STXBP5L: variants seen among roughly 807,000 people sequenced by gnomAD.
STXBP5L encodes the protein syntaxin-binding protein 5-like.
Under a neutral mutation model 144.5 loss-of-function variants are expected in STXBP5L, and 65 were observed. That is an observed-to-expected ratio of 0.45 (90% CI 0.37 to 0.55). The LOEUF is 0.55. STXBP5L is among the 20% of genes least tolerant of loss of function. STXBP5L has a pLI of 0.00. For missense variants in STXBP5L, 1,298 were observed against 1,405.5 expected (o/e 0.92, Z 1.22); for synonymous variants, 505 against 469.6 (o/e 1.08, Z -0.97).
intron 2 of STXBP5L, among the ~76,000 whole-genome samples, chr3:120,935,751 C>G (rs1710232294): frequency 6.6e-6 from 1 of 151,784 alleles, no homozygotes. Context: ...TACCCTAAGT[C>G]CTCAATAGAT....
intron 5 of STXBP5L, among the ~76,000 whole-genome samples, chr3:121,114,187 T>G (rs1422313766): frequency 6.6e-6 from 1 of 152,096 alleles, no homozygotes; most frequent in African/African-American, 2.4e-5. Flanking sequence ...ATATTTAATA[T>G]GTAGGAGTCA....
chr3:121,061,508 A>G (rs2041276255), intron 5 of STXBP5L, among the ~76,000 whole-genome samples: 2 of 152,122 alleles, frequency 1.3e-5, no homozygotes, highest in Admixed American at 6.6e-5. Flanking sequence ...GAGAGCTGAT[A>G]TCAAGTCCTG....
intron 20 of STXBP5L, among the ~76,000 whole-genome samples, chr3:121,336,055 A>G (rs942116529): frequency 3.3e-5 from 5 of 152,362 alleles, no homozygotes; most frequent in Admixed American, 1.3e-4. Flanking sequence ...TCTAAGAAGA[A>G]CTTAAGCAAA....
intron 5 of STXBP5L, among the ~76,000 whole-genome samples, chr3:121,104,018 G>A (rs1431871244): frequency 6.6e-6 from 1 of 152,180 alleles, no homozygotes; most frequent in African/African-American, 2.4e-5. Flanking sequence ...GAGTGTGTCA[G>A]ATGATATGTG....
chr3:121,265,405 A>G (rs182102933), intron 18 of STXBP5L, among the ~76,000 whole-genome samples: 27 of 152,308 alleles, frequency 1.8e-4, no homozygotes, highest in Non-Finnish European at 3.2e-4. Flanking sequence ...CACAGAAATA[A>G]ATAAGCTCTT....
At chr3:121,278,466 T>G (rs978346100) in intron 18 of STXBP5L, among the ~76,000 whole-genome samples, 1 of 151,414 alleles carries the variant, frequency 6.6e-6, no homozygotes, top group African/African-American at 2.4e-5. Flanking sequence ...GTTGCCTACA[T>G]TTTTTCAGTC....
chr3:121,367,802 T>C (rs1033587895), intron 20 of STXBP5L, among the ~76,000 whole-genome samples: 4 of 144,732 alleles, frequency 2.8e-5, no homozygotes, highest in Non-Finnish European at 6.0e-5. Flanking sequence ...TTTTTTTTTT[T>C]TTTGTAGAGA....
At chr3:120,959,079 G>A (rs369272447) in intron 3 of STXBP5L, among the ~76,000 whole-genome samples, 4 of 152,088 alleles carry the variant, frequency 2.6e-5, no homozygotes, top group South Asian at 2.1e-4. Flanking sequence ...AAATCAATGT[G>A]CAAAAATCAC....
chr3:121,115,895 C>T, intron 6 of STXBP5L, among the ~76,000 whole-genome samples: 1 of 152,082 alleles, frequency 6.6e-6, no homozygotes, highest in South Asian at 2.1e-4. Flanking sequence ...AATTCATTCA[C>T]TACTGCAAGA....
chr3:121,349,555 G>A (rs559464055), intron 20 of STXBP5L, among the ~76,000 whole-genome samples: 2 of 152,048 alleles, frequency 1.3e-5, no homozygotes, highest in Admixed American at 6.6e-5. Context: ...TTGACAGTGG[G>A]GTGTTAAAGT....
At chr3:121,078,096 A>G (rs1349732085) in intron 5 of STXBP5L, among the ~76,000 whole-genome samples, 1 of 150,910 alleles carries the variant, frequency 6.6e-6, no homozygotes, top group Non-Finnish European at 1.5e-5. Flanking sequence ...TCCCTTAGCT[A>G]GACACAAAGG....
chr3:121,354,793 T>C (rs1462820569), intron 20 of STXBP5L, among the ~76,000 whole-genome samples: 3 of 152,212 alleles, frequency 2.0e-5, no homozygotes, highest in Non-Finnish European at 4.4e-5. Flanking sequence ...GCATCTATGA[T>C]CTTTACAATT....
intron 19 of STXBP5L, among the ~76,000 whole-genome samples, chr3:121,283,895 TTGTGTGTG>T (rs59432986): frequency 3.4e-5 from 4 of 116,168 alleles, no homozygotes; most frequent in African/African-American, 1.3e-4. Flanking sequence ...GTGTGTGTGC[TTGTGTGTG>T]TGTGTGTGTG....
chr3:121,012,226 G>A (rs949969861), intron 3 of STXBP5L, among the ~76,000 whole-genome samples: 1 of 151,654 alleles, frequency 6.6e-6, no homozygotes, highest in Non-Finnish European at 1.5e-5. Context: ...ATGGATACTT[G>A]GATTGCCTTT....
intron 3 of STXBP5L, among the ~76,000 whole-genome samples, chr3:120,968,080 A>G (rs528442010): frequency 3.3e-5 from 5 of 152,248 alleles, no homozygotes; most frequent in East Asian, 3.9e-4. Context: ...TTCTGCGGCT[A>G]TTGGATGCAA....
intron 20 of STXBP5L, chr3:121,324,375 C>A: frequency 1.8e-6 from 1 of 544,056 alleles, no homozygotes; most frequent in Middle Eastern, 2.7e-4. Flanking sequence ...GATAAGGATA[C>A]AAAATGCAGA....
chr3:121,177,791 G>C (rs893405776), intron 9 of STXBP5L, among the ~76,000 whole-genome samples: 3 of 152,294 alleles, frequency 2.0e-5, no homozygotes, highest in Non-Finnish European at 2.9e-5. Flanking sequence ...ATGCCCAAAA[G>C]AAAGGAAAGC....
chr3:121,160,574 T>G (rs79412530), intron 9 of STXBP5L, among the ~76,000 whole-genome samples: 1 of 152,262 alleles, frequency 6.6e-6, no homozygotes, highest in East Asian at 1.9e-4. Context: ...TATAACAGAC[T>G]TAAGCATTTG....
At chr3:121,276,276 T>C (rs1213686247) in intron 18 of STXBP5L, among the ~76,000 whole-genome samples, 2 of 152,038 alleles carry the variant, frequency 1.3e-5, no homozygotes, top group African/African-American at 2.4e-5. Context: ...TTAATAACTT[T>C]ACAACAGCAT....
Sources: gnomAD v4.1 joint callset for allele counts (sites outside exome capture counted in the v4.1 genomes callset) on GRCh38, gnomAD v4.1.1 for gene constraint, MANE v1.5 for transcripts, NCBI Gene and HGNC (gene_info 2026-07-23, HGNC 2026-07-21) for gene names.